Variants in COPB1 observed in about 807,000 individuals in gnomAD.
COPB1 encodes coat protein complex I subunit beta 1.
In COPB1, 21 loss-of-function variants were observed where a neutral mutation model predicts 108.7. The ratio of observed to expected loss-of-function variants is 0.19; its 90% confidence interval spans 0.14 to 0.28. The LOEUF is 0.28. Ranked by LOEUF, COPB1 falls within the 10% of genes least tolerant of loss-of-function variation. The pLI is 1.00. For missense variants in COPB1, 919 were observed against 1,141.3 expected (o/e 0.81, Z 2.81); for synonymous variants, 378 against 386.8 (o/e 0.98, Z 0.27).
At chr11:14,498,703 G>A in intron 2 of COPB1, 135 bp downstream of exon 2, 1 of 606,156 alleles carries the variant, frequency 1.6e-6, no homozygotes, top group Non-Finnish European at 2.7e-6. Context: ...TTTAATAAAA[G>A]GTCTATCGAA....
At chr11:14,470,258 T>TA (rs1850370444) in intron 14 of COPB1, among the ~76,000 whole-genome samples, 2 of 152,246 alleles carry the variant, frequency 1.3e-5, no homozygotes, top group Admixed American at 6.5e-5. Context: ...CCAGTTGTTT[T>TA]ATAGAATATC....
At chr11:14,496,183 T>C (rs186321812) in intron 2 of COPB1, among the ~76,000 whole-genome samples, 1 of 152,330 alleles carries the variant, frequency 6.6e-6, no homozygotes, top group African/African-American at 2.4e-5. Context: ...GTTTAAACAA[T>C]ATTTATCAGT....
intron 8 of COPB1, among the ~76,000 whole-genome samples, chr11:14,482,539 CAT>C (rs1491518567): frequency 6.6e-6 from 1 of 151,746 alleles, no homozygotes; most frequent in Non-Finnish European, 1.5e-5. Context: ...TTTAGAAAAA[CAT>C]TTTTTTTTTT....
intron 18 of COPB1, 24 bp from the exon 19 acceptor site, chr11:14,461,355 T>C (rs1398633084): frequency 6.2e-7 from 1 of 1,605,158 alleles, no homozygotes; most frequent in South Asian, 1.1e-5. Flanking sequence ...TACAAAAAGA[T>C]TCGCAATCAC....
intron 7 of COPB1, 62 bp from the exon 8 acceptor site, chr11:14,483,213 G>T: frequency 1.8e-6 from 2 of 1,110,762 alleles, no homozygotes; most frequent in Non-Finnish European, 2.5e-6. Flanking sequence ...TTGAAAATAA[G>T]CATGCGCGCG....
At chr11:14,475,674 G>T in intron 13 of COPB1, 111 bp downstream of exon 13, 1 of 1,156,694 alleles carries the variant, frequency 8.6e-7, no homozygotes, top group East Asian at 2.7e-5. Flanking sequence ...AAATGGCAAA[G>T]ATTTTCATTT....
chr11:14,490,986 T>G (rs1850886629), intron 4 of COPB1, among the ~76,000 whole-genome samples: 1 of 152,056 alleles, frequency 6.6e-6, no homozygotes, highest in South Asian at 2.1e-4. Flanking sequence ...GGATGGGGTT[T>G]CACCATGTTG....
In COPB1 at chr11:14,498,908, T is replaced by A. The variant is rs375759919; in HGVS notation, c.21A>T (p.Val7=). MTAAEN[V]CYTLINVPMD... The stretch of plus-strand genomic sequence containing the variant: ...TTGGCACGTTAATTAACGTGTAGCA[T>A]ACGTTCTCAGCCGCCGTCATGGTTT... Residue 7 remains valine (V), a synonymous_variant, in exon 2 of 22, where the codon GTA becomes GTT. Coordinates refer to ENST00000439561, the MANE Select transcript of COPB1 (RefSeq NM_001144061.2). The A allele has an allele frequency of 2.5e-6, 4 of 1,609,842 alleles. No homozygotes were observed. The East Asian group carries it at 8.9e-5, about 36-fold the overall frequency.
rs376019277 is a variant in COPB1 at position 14,466,305 on chromosome 11, C to A, written c.2267G>T (p.Cys756Phe). The A allele has an allele frequency of 8.1e-6, 13 of 1,613,290 alleles. No homozygotes were observed. The highest frequency in any genetic ancestry group is 1.1e-5 in the Non-Finnish European group (13 of 1,179,678). Residue 756 changes from cysteine (C) to phenylalanine (F), a missense_variant, in exon 17 of 22, where the codon TGC becomes TTC. Physicochemically the swap from Cys to Phe is radical, Grantham distance 205. Transcript: ENST00000439561. The stretch of plus-strand genomic sequence containing the variant: ...ACCTAGTGTAGCTAGTTCTAATGTG[C>A]AATTCTGCAAAGTATCACTGGTTTG... ...VNQTSDTLQNCTLELATLGDL... is the reference protein window; with the variant it reads ...VNQTSDTLQNFTLELATLGDL...
intron 6 of COPB1, 97 bp from the exon 7 acceptor site, chr11:14,486,601 C>A: frequency 6.9e-7 from 1 of 1,453,548 alleles, no homozygotes; most frequent in East Asian, 2.3e-5. Context: ...TGCTAGTTTT[C>A]TCAATATGAA....
chr11:14,494,234 G>C lies in COPB1; in HGVS notation c.297C>G (p.Ile99Met), dbSNP rs1210205048. Reference protein sequence around the residue: ...TPDGRLLHEMILVCDAYRKDL... With the variant: ...TPDGRLLHEMMLVCDAYRKDL... The stretch of plus-strand genomic sequence containing the variant: ...CCTTTCTGTATGCATCACATACAAG[G>C]ATCATCTCATGTAAAAGTCTCCCAT... Residue 99 changes from isoleucine to methionine, a missense_variant, in exon 3 of 22, where the codon ATC (isoleucine) becomes ATG (methionine). Around this residue, in one of 5 missense-constraint regions of COPB1, gnomAD observed 22 missense variants for 58.8 expected, o/e 0.37. Coordinates refer to ENST00000439561, the MANE Select transcript of COPB1 (RefSeq NM_001144061.2). 6.2e-7 allele frequency: 1 copy of C among 1,611,864 alleles called. No individual in the cohort carries two copies. Among genetic ancestry groups the C allele is most frequent in the East Asian group, 2.2e-5 (1 of 44,802 alleles).
intron 21 of COPB1, among the ~76,000 whole-genome samples, 187 bp from the exon 22 acceptor site, chr11:14,458,070 C>T (rs1327136752): frequency 2.9e-5 from 4 of 139,456 alleles, no homozygotes; most frequent in Admixed American, 2.4e-4. Flanking sequence ...CAAGCCGTCA[C>T]CAGATTTTTT....
At chr11:14,497,898 G>C (rs1207024383) in intron 2 of COPB1, among the ~76,000 whole-genome samples, 2 of 152,198 alleles carry the variant, frequency 1.3e-5, no homozygotes, top group Non-Finnish European at 2.9e-5. Flanking sequence ...GCAAAAATAT[G>C]GATGGAACTG....
Position 14,469,321 on chromosome 11 carries a change from T to C in COPB1, c.1965+15A>G, listed in dbSNP as rs1850354839. 2 of 1,602,526 alleles carry C rather than the reference T, an allele frequency of 1.2e-6. No homozygotes were observed. Among genetic ancestry groups the C allele is most frequent in the Non-Finnish European group, 1.7e-6 (2 of 1,169,906 alleles). On this transcript the variant is annotated intron_variant, in intron 15 of 21. Transcript: ENST00000439561. ...GACACAAAACACTTTTGTTGCCTCA[T>C]CATATATACCTTACCTTTTGGGATA...
At chr11:14,491,764 G>C (rs1850911731) in intron 4 of COPB1, among the ~76,000 whole-genome samples, 1 of 151,464 alleles carries the variant, frequency 6.6e-6, no homozygotes, top group Non-Finnish European at 1.5e-5. Context: ...GTTCAATACA[G>C]AAAAAGCTGA....
chr11:14,478,674 A>G (rs1850584353), intron 11 of COPB1, among the ~76,000 whole-genome samples: 1 of 151,364 alleles, frequency 6.6e-6, no homozygotes, highest in Non-Finnish European at 1.5e-5. Context: ...CTGGTCTCCA[A>G]CTCCTGACAT....
intron 11 of COPB1, 70 bp downstream of exon 11, chr11:14,479,499 C>G (rs1428524883): frequency 2.1e-6 from 3 of 1,442,396 alleles, no homozygotes; most frequent in Non-Finnish European, 2.8e-6. Context: ...TTTCTATCAA[C>G]TGACCCTTTA....
intron 17 of COPB1, among the ~76,000 whole-genome samples, chr11:14,465,874 G>T (rs1026865930): frequency 6.6e-6 from 1 of 152,104 alleles, no homozygotes; most frequent in Admixed American, 6.6e-5. Flanking sequence ...ATCTCATATT[G>T]CTAAATGTAA....
At chr11:14,496,195 T>C (rs1851013166) in intron 2 of COPB1, among the ~76,000 whole-genome samples, 1 of 152,192 alleles carries the variant, frequency 6.6e-6, no homozygotes, top group Non-Finnish European at 1.5e-5. Context: ...TTTATCAGTT[T>C]AAGTTGTATT....
Sources: gnomAD v4.1 joint callset for allele counts (sites outside exome capture counted in the v4.1 genomes callset) on GRCh38, gnomAD v4.1.1 for gene constraint, gnomAD v4.1.1 regional missense constraint, MANE v1.5 for transcripts, NCBI Gene and HGNC (gene_info 2026-07-23, HGNC 2026-07-21) for gene names.